The following DCP1A variants were observed in gnomAD, a reference collection of about 807,000 sequenced individuals.
DCP1A encodes the protein decapping mRNA 1A.
Under a neutral mutation model 58.0 loss-of-function variants are expected in DCP1A, and 20 were observed. The observed-to-expected ratio is 0.34, with a 90% CI of 0.24 to 0.50. DCP1A has a LOEUF of 0.50. Among genes scored for constraint, DCP1A ranks in the 20% least tolerant of loss-of-function variants. The pLI, the probability that DCP1A is intolerant of heterozygous loss-of-function variation, is 0.98. For synonymous variants in DCP1A, 285 were observed against 275.1 expected, an observed-to-expected ratio of 1.04 and a Z score of -0.36; for missense variants, 613 against 712.2, an observed-to-expected ratio of 0.86 and a Z score of 1.59.
intron 3 of DCP1A, among the ~76,000 whole-genome samples, chr3:53,323,611 T>C (rs1040083030): frequency 4.6e-5 from 7 of 152,248 alleles, no homozygotes; most frequent in Non-Finnish European, 1.0e-4. Flanking sequence ...CTCATGCCTG[T>C]AATCCCAGAA....
chr3:53,325,832 G>A (rs964396599), intron 3 of DCP1A, among the ~76,000 whole-genome samples: 2 of 152,130 alleles, frequency 1.3e-5, no homozygotes, highest in Admixed American at 6.6e-5. Flanking sequence ...ACTGACTGAC[G>A]TGGGATCATA....
chr3:53,297,291 A>G (rs988181413), intron 6 of DCP1A, among the ~76,000 whole-genome samples: 1 of 151,936 alleles, frequency 6.6e-6, no homozygotes, highest in African/African-American at 2.4e-5. Context: ...TATACACATT[A>G]TATGTTTAGA....
At chr3:53,338,769 G>A (rs2089157608) in intron 3 of DCP1A, among the ~76,000 whole-genome samples, 1 of 150,740 alleles carries the variant, frequency 6.6e-6, no homozygotes, top group Admixed American at 6.6e-5. Context: ...GCTGAGGCAG[G>A]AGAATGGCGT....
At chr3:53,342,710 G>A (rs529655573) in intron 2 of DCP1A, among the ~76,000 whole-genome samples, 2 of 152,100 alleles carry the variant, frequency 1.3e-5, no homozygotes, top group Non-Finnish European at 2.9e-5. Context: ...TTTTTCATGA[G>A]GCCTACTTGA....
chr3:53,298,596 T>A (rs189055966), intron 6 of DCP1A, among the ~76,000 whole-genome samples: 120 of 152,284 alleles, frequency 7.9e-4, no homozygotes, highest in Admixed American at 2.4e-3. Context: ...AGAACCAGAC[T>A]CCAACTCAGT....
At chr3:53,331,632 T>C (rs1559702755) in intron 3 of DCP1A, among the ~76,000 whole-genome samples, 1 of 152,100 alleles carries the variant, frequency 6.6e-6, no homozygotes, top group Admixed American at 6.5e-5. Flanking sequence ...TTAGGACATA[T>C]CCCTGTTGTT....
At chr3:53,297,297 T>A (rs1418364993) in intron 6 of DCP1A, among the ~76,000 whole-genome samples, 1 of 152,192 alleles carries the variant, frequency 6.6e-6, no homozygotes, top group Non-Finnish European at 1.5e-5. Flanking sequence ...CATTATATGT[T>A]TAGAAAACAA....
At chr3:53,335,943 G>C (rs1248104905) in intron 3 of DCP1A, among the ~76,000 whole-genome samples, 1 of 151,620 alleles carries the variant, frequency 6.6e-6, no homozygotes, top group African/African-American at 2.4e-5. Flanking sequence ...TCTCACCTCA[G>C]CCTCCCAGGT....
chr3:53,312,737 G>C (rs1409109330), intron 4 of DCP1A, among the ~76,000 whole-genome samples: 2 of 152,002 alleles, frequency 1.3e-5, no homozygotes, highest in Admixed American at 1.3e-4. Flanking sequence ...CTCGTGATCT[G>C]CCCTAGGCCT....
chr3:53,319,367 TCA>T, intron 4 of DCP1A, 38 bp downstream of exon 4: 1 of 1,250,386 alleles, frequency 8.0e-7, no homozygotes, highest in Non-Finnish European at 1.1e-6. Flanking sequence ...TTTTCATTTC[TCA>T]CATATCATCA....
chr3:53,326,990 AC>A (rs1708127352), intron 3 of DCP1A, among the ~76,000 whole-genome samples: 1 of 140,908 alleles, frequency 7.1e-6, no homozygotes, highest in African/African-American at 2.7e-5. Flanking sequence ...CCCCCCCCCA[AC>A]TGGTATTCTA....
chr3:53,327,849 G>A (rs1313466693), intron 3 of DCP1A, among the ~76,000 whole-genome samples: 3 of 150,978 alleles, frequency 2.0e-5, no homozygotes, highest in Admixed American at 1.3e-4. Context: ...AAGGCCGGGC[G>A]TGGTGGCTCA....
chr3:53,295,705 A>T (rs1300847606), intron 6 of DCP1A, among the ~76,000 whole-genome samples: 47 of 152,110 alleles, frequency 3.1e-4, no homozygotes, highest in Non-Finnish European at 7.4e-5. Flanking sequence ...GTTTATTTTT[A>T]AATTTTTTGT....
rs554406616 is a variant in DCP1A at position 53,344,913 on chromosome 3, G to A, written c.165C>T (p.Phe55=). ...TTTTAAAAACTTACCTTCGATATAC[G>A]AATAAGGTCCCTTCTATATCAGTCT... ...WEKTDIEGTL[F]VYRRSASPYH... Residue 55 remains phenylalanine (F), a synonymous_variant, in exon 2 of 10, where the codon TTC becomes TTT. Transcript: ENST00000610213. 25 of 1,603,834 alleles carry A rather than the reference G, an allele frequency of 1.6e-5. No homozygotes were observed. The Admixed American group carries it at 1.9e-4, about 12-fold the overall frequency.
chr3:53,294,412 G>C (rs1325230846), intron 6 of DCP1A, among the ~76,000 whole-genome samples: 1 of 152,128 alleles, frequency 6.6e-6, no homozygotes, highest in Non-Finnish European at 1.5e-5. Flanking sequence ...ATCACTGCCT[G>C]GGCAGGCCAG....
At chr3:53,287,751 A>G in intron 9 of DCP1A, 91 bp from the exon 10 acceptor site, 1 of 912,870 alleles carries the variant, frequency 1.1e-6, no homozygotes, top group South Asian at 1.4e-5. Context: ...AAAAAATTGT[A>G]TAAATGATTT....
chr3:53,347,298 C>A (rs550309991), intron 1 of DCP1A, 85 bp downstream of exon 1: 3 of 1,370,504 alleles, frequency 2.2e-6, no homozygotes, highest in Admixed American at 6.2e-5. Flanking sequence ...TCTTAGTGTG[C>A]CCCCCCACCC....
At position 53,285,786 on chromosome 3, in the gene DCP1A, G is replaced by GTGGC. The variant is rs1706611373; in HGVS notation, c.*1790_*1793dup. 6.6e-6 allele frequency: 1 copy of GTGGC among 152,064 alleles called. No homozygotes were observed. Among genetic ancestry groups the GTGGC allele is most frequent in the African/African-American group, 2.4e-5 (1 of 41,414 alleles). The allele number at this position is 152,064 out of a possible 1,614,324, so 9.4% of individuals were successfully genotyped here. On this transcript the variant is annotated 3_prime_UTR_variant, in exon 10 of 10. Transcript: ENST00000610213. Reference sequence around the variant, plus strand: ...GGTGCGTCCACTTTATGGAAGTCACGTGGCTCCCTGGACACCATCTCCCGG... The same window carrying GTGGC: ...GGTGCGTCCACTTTATGGAAGTCACGTGGCTGGCTCCCTGGACACCATCTCCCGG...
intron 3 of DCP1A, among the ~76,000 whole-genome samples, chr3:53,323,358 C>T (rs782329181): frequency 1.3e-5 from 2 of 152,164 alleles, no homozygotes; most frequent in South Asian, 2.1e-4. Context: ...ACGCTCTTAG[C>T]GGCTAAGGCT....
Sources: allele counts gnomAD v4.1 joint callset (sites outside exome capture counted in the v4.1 genomes callset), GRCh38; gene constraint gnomAD v4.1.1; transcripts MANE v1.5; gene names NCBI Gene and HGNC (gene_info 2026-07-23, HGNC 2026-07-21).